The following SLC4A5 variants were observed in gnomAD, a reference collection of about 807,000 sequenced individuals.
SLC4A5 encodes electrogenic sodium bicarbonate cotransporter 4.
SLC4A5 carries 96 observed loss-of-function variants against 120.4 expected under a neutral mutation model. The ratio of observed to expected loss-of-function variants is 0.80; its 90% CI spans 0.68 to 0.94. The LOEUF (loss-of-function observed/expected upper bound fraction) is 0.94. Ranked by LOEUF, SLC4A5 falls within the 40% of genes least tolerant of loss-of-function variation. The probability of loss-of-function intolerance (pLI) is 0.00; values close to 1 mark genes in which losing one functional copy is unlikely to be tolerated. For missense variants in SLC4A5, 1,259 were observed against 1,459.5 expected, an observed-to-expected ratio of 0.86 and a Z score of 2.24; for synonymous variants, 550 against 571.1, an observed-to-expected ratio of 0.96 and a Z score of 0.53.
intron 12 of SLC4A5, among the ~76,000 whole-genome samples, chr2:74,257,203 G>A (rs931934015): frequency 1.8e-4 from 28 of 152,044 alleles, no homozygotes; most frequent in Admixed American, 1.2e-3. Context: ...GGAGGGGCTC[G>A]TGAGCAATGG....
At chr2:74,256,439 T>G (rs1670967426) in intron 12 of SLC4A5, among the ~76,000 whole-genome samples, 1 of 152,240 alleles carries the variant, frequency 6.6e-6, no homozygotes, top group Admixed American at 6.5e-5. Context: ...CAGGAATTCC[T>G]GGACCAGTCT....
intron 7 of SLC4A5, among the ~76,000 whole-genome samples, chr2:74,289,633 C>T (rs1182407960): frequency 1.3e-5 from 2 of 152,156 alleles, no homozygotes; most frequent in Non-Finnish European, 2.9e-5. Context: ...TTTTAACTTA[C>T]ATCCTTTCCA....
At chr2:74,221,535 C>A (rs888314720) in intron 29 of SLC4A5, 34 bp from the exon 30 acceptor site, 1 of 1,606,632 alleles carries the variant, frequency 6.2e-7, no homozygotes, top group Non-Finnish European at 8.5e-7. Flanking sequence ...AGATGTGGAG[C>A]AGGTTTGAGC....
intron 7 of SLC4A5, among the ~76,000 whole-genome samples, chr2:74,300,558 C>T (rs769875173): frequency 1.3e-5 from 2 of 152,160 alleles, no homozygotes; most frequent in Admixed American, 6.6e-5. Flanking sequence ...TTTTACCTAT[C>T]ATTTAAGACT....
chr2:74,223,851 G>C (rs573171901), intron 28 of SLC4A5, among the ~76,000 whole-genome samples: 14 of 152,176 alleles, frequency 9.2e-5, no homozygotes, highest in Non-Finnish European at 2.1e-4. Flanking sequence ...TGACTGATCA[G>C]AAGATGGTTT....
chr2:74,289,184 C>G (rs1387558951), intron 7 of SLC4A5, among the ~76,000 whole-genome samples: 1 of 152,168 alleles, frequency 6.6e-6, no homozygotes, highest in East Asian at 1.9e-4. Flanking sequence ...TCCTGGGAGT[C>G]ATGGTTCTCT....
At chr2:74,250,504 G>A (rs546798154) in exon 17 of SLC4A5, 1 of 1,614,222 alleles carries the variant, frequency 6.2e-7, no homozygotes, top group Admixed American at 1.7e-5. Flanking sequence ...TCCAGACACA[G>A]GCCACCGAAG....
intron 30 of SLC4A5, among the ~76,000 whole-genome samples, chr2:74,219,016 C>A (rs1271202296): frequency 6.6e-6 from 1 of 152,176 alleles, no homozygotes; most frequent in Non-Finnish European, 1.5e-5. Flanking sequence ...TTTGAAATCA[C>A]AAATTTGGTG....
Position 74,284,162 on chromosome 2 carries a change from CTTTTTT to C in SLC4A5, c.401+1605_401+1610del, listed in dbSNP as rs1182761794. Among the ~76,000 whole-genome samples the C allele has an allele frequency of 5.8e-4, 47 of 81,078 alleles. 2 individuals carry two copies. Among genetic ancestry groups the C allele is most frequent in the African/African-American group, 3.5e-3 (46 of 13,106 alleles). The allele number at this position is 81,078 out of a possible 152,430, so 53.2% of individuals were successfully genotyped here. On this transcript the variant is annotated intron_variant, in intron 8 of 30. Transcript: ENST00000394019. ...TGTGCCTAGCCCTTATTCCTTATTTCTTTTTTTTTTTTTTTTTTTTTTTTTGAGACG... is the reference window on the plus strand; with the variant it reads ...TGTGCCTAGCCCTTATTCCTTATTTCTTTTTTTTTTTTTTTTTTTGAGACG...
At chr2:74,342,867 G>C (rs1558922695) in intron 1 of SLC4A5, among the ~76,000 whole-genome samples, 1 of 152,134 alleles carries the variant, frequency 6.6e-6, no homozygotes, top group Non-Finnish European at 1.5e-5. Flanking sequence ...TGGACTCCTA[G>C]GAGACTCAGA....
chr2:74,261,456 C>G (rs1447293655), intron 11 of SLC4A5, among the ~76,000 whole-genome samples: 1 of 152,238 alleles, frequency 6.6e-6, no homozygotes, highest in Non-Finnish European at 1.5e-5. Context: ...GACAGGGGTA[C>G]AGCACTGGGC....
intron 12 of SLC4A5, among the ~76,000 whole-genome samples, chr2:74,258,666 G>C (rs1214818952): frequency 2.0e-5 from 3 of 152,226 alleles, no homozygotes; most frequent in African/African-American, 4.8e-5. Context: ...GTAAGCCTCA[G>C]TGTTCTCTCA....
At position 74,278,390 on chromosome 2, in the gene SLC4A5, CT is replaced by C. The variant is rs772605250; in HGVS notation, c.401+7382del. On this transcript the variant is annotated intron_variant, in intron 8 of 30. Transcript: ENST00000394019. ...CCGCGTGATGGCCTTGTGTCACTGC[CT>C]GGCTGTCCCCATGGGTGTGGACTTG... 1.7e-3 allele frequency among the ~76,000 whole-genome samples: 255 copies of C among 152,338 alleles called. 3 individuals carry two copies. Among genetic ancestry groups the C allele is most frequent in the Middle Eastern group, 3.4e-3 (1 of 294 alleles).
intron 8 of SLC4A5, among the ~76,000 whole-genome samples, chr2:74,275,038 T>C (rs928054939): frequency 5.9e-5 from 9 of 152,212 alleles, no homozygotes; most frequent in Middle Eastern, 3.2e-3. Flanking sequence ...GGCTGACTGA[T>C]TCCCTTTGAA....
chr2:74,216,849 T>C (rs1345193775), exon 31 of SLC4A5: 1 of 152,230 alleles, frequency 6.6e-6, no homozygotes, highest in East Asian at 1.9e-4. Context: ...CCTCTGCTGA[T>C]TCCCCCCACC....
chr2:74,319,590 A>G (rs949434142), intron 5 of SLC4A5: 3 of 152,082 alleles, frequency 2.0e-5, no homozygotes, highest in South Asian at 2.1e-4. Context: ...TTGAAACCCA[A>G]TTAGTTGTAC....
chr2:74,325,269 T>C (rs986039141), intron 5 of SLC4A5, among the ~76,000 whole-genome samples: 4 of 152,198 alleles, frequency 2.6e-5, no homozygotes, highest in African/African-American at 9.7e-5. Flanking sequence ...ACAATACATA[T>C]GCAAACACAG....
chr2:74,288,906 C>T (rs1672071640), intron 7 of SLC4A5, among the ~76,000 whole-genome samples: 1 of 152,206 alleles, frequency 6.6e-6, no homozygotes, highest in African/African-American at 2.4e-5. Flanking sequence ...CTAGACAATG[C>T]TGGACTCATT....
At chr2:74,264,992 C>T in intron 9 of SLC4A5, 112 bp downstream of exon 9, 1 of 1,212,032 alleles carries the variant, frequency 8.3e-7, no homozygotes, top group Non-Finnish European at 1.2e-6. Flanking sequence ...TCTGCAGAAT[C>T]AGGTGTCAGA....
Sources: gnomAD v4.1 joint callset for allele counts (sites outside exome capture counted in the v4.1 genomes callset) on GRCh38, gnomAD v4.1.1 for gene constraint, MANE v1.5 for transcripts, NCBI Gene and HGNC (gene_info 2026-07-23, HGNC 2026-07-21) for gene names.